HS6ST3: variants seen among roughly 807,000 people sequenced by gnomAD.
HS6ST3 encodes the protein heparan-sulfate 6-O-sulfotransferase 3.
In HS6ST3, 12 loss-of-function variants were observed where a neutral mutation model predicts 36.7. That is an observed-to-expected ratio of 0.33 (90% CI 0.21 to 0.53). The LOEUF is 0.53. HS6ST3 is among the 20% of genes least tolerant of loss of function. The probability of loss-of-function intolerance (pLI) is 0.95; values close to 1 mark genes in which losing one functional copy is unlikely to be tolerated. For missense variants in HS6ST3, 584 were observed against 640.9 expected (o/e 0.91, Z 0.96); for synonymous variants, 240 against 257.5 (o/e 0.93, Z 0.65).
intron 1 of HS6ST3, among the ~76,000 whole-genome samples, chr13:96,827,169 T>C (rs1288805365): frequency 6.6e-6 from 1 of 152,220 alleles, no homozygotes; most frequent in African/African-American, 2.4e-5. Flanking sequence ...TAAGATCTCC[T>C]TGAGGACATG....
intron 1 of HS6ST3, among the ~76,000 whole-genome samples, chr13:96,213,527 ATTTTTTTT>A (rs375188560): frequency 2.1e-5 from 3 of 145,264 alleles, no homozygotes; most frequent in African/African-American, 5.1e-5. Flanking sequence ...GTGTAGGACA[ATTTTTTTT>A]TTTTTTTTTT....
intron 1 of HS6ST3, among the ~76,000 whole-genome samples, chr13:96,706,999 T>G (rs1234935283): frequency 1.3e-5 from 2 of 152,188 alleles, no homozygotes; most frequent in African/African-American, 2.4e-5. Context: ...ATCAGACTAA[T>G]ACAACATGCA....
chr13:96,099,313 TCTC>T (rs1240856908), intron 1 of HS6ST3, among the ~76,000 whole-genome samples: 3 of 152,216 alleles, frequency 2.0e-5, no homozygotes, highest in South Asian at 4.2e-4. Flanking sequence ...ATTTGGAACT[TCTC>T]CTCCTGAATA....
At chr13:96,779,124 A>C (rs1256236624) in intron 1 of HS6ST3, among the ~76,000 whole-genome samples, 3 of 152,074 alleles carry the variant, frequency 2.0e-5, no homozygotes, top group Non-Finnish European at 4.4e-5. Flanking sequence ...AGTGATGAGA[A>C]CACATGGACA....
At chr13:96,782,161 A>G (rs116737377) in intron 1 of HS6ST3, among the ~76,000 whole-genome samples, 190 of 152,306 alleles carry the variant, frequency 1.2e-3, no homozygotes, top group African/African-American at 3.9e-3. Flanking sequence ...AGAGAACACA[A>G]TCAATTTACC....
intron 1 of HS6ST3, among the ~76,000 whole-genome samples, chr13:96,429,897 TG>T (rs1194650712): frequency 6.6e-6 from 1 of 152,240 alleles, no homozygotes; most frequent in African/African-American, 2.4e-5. Flanking sequence ...GGTTAGCCAC[TG>T]TGTGTTACTG....
At chr13:96,760,861 G>T (rs1421000453) in intron 1 of HS6ST3, among the ~76,000 whole-genome samples, 2 of 151,926 alleles carry the variant, frequency 1.3e-5, no homozygotes, top group Non-Finnish European at 2.9e-5. Flanking sequence ...TAAAATTAGC[G>T]AGTTTTTGTG....
At chr13:96,565,779 A>G (rs9584386) in intron 1 of HS6ST3, among the ~76,000 whole-genome samples, 26,038 of 151,984 alleles carry the variant, frequency 0.17, 3,024 homozygotes, top group African/African-American at 0.33. Flanking sequence ...CAGTCAACAA[A>G]CCCTGTCAAT....
Position 96,499,629 on chromosome 13 carries a change from G to A in HS6ST3, c.708-332861G>A, listed in dbSNP as rs1454552255. Reference sequence around the variant, plus strand: ...TGAGGCAAGATGTGATGGAGTGAGGGCAGGAACCCTGTGGCTTTCTGGGAT... The same window carrying A: ...TGAGGCAAGATGTGATGGAGTGAGGACAGGAACCCTGTGGCTTTCTGGGAT... On this transcript the variant is annotated intron_variant, in intron 1 of 1. Coordinates refer to ENST00000376705, the MANE Select transcript of HS6ST3 (RefSeq NM_153456.4). 4.6e-5 allele frequency among the ~76,000 whole-genome samples: 7 copies of A among 152,288 alleles called. No homozygotes were observed. The East Asian group carries it at 1.4e-3, about 29-fold the overall frequency.
intron 1 of HS6ST3, among the ~76,000 whole-genome samples, chr13:96,702,205 T>A (rs1033885516): frequency 6.6e-6 from 1 of 152,146 alleles, no homozygotes; most frequent in East Asian, 1.9e-4. Context: ...AAATCACAGA[T>A]GTAGGAGAGG....
intron 1 of HS6ST3, among the ~76,000 whole-genome samples, chr13:96,479,898 A>G (rs1242400818): frequency 6.6e-6 from 1 of 152,072 alleles, no homozygotes; most frequent in Non-Finnish European, 1.5e-5. Context: ...GTGAGAGACA[A>G]TGGCTGGGGA....
At chr13:96,217,060 C>T (rs528603593) in intron 1 of HS6ST3, among the ~76,000 whole-genome samples, 2 of 152,266 alleles carry the variant, frequency 1.3e-5, no homozygotes, top group Admixed American at 1.3e-4. Flanking sequence ...GGAACCTGCT[C>T]ATCTCCTTCT....
intron 1 of HS6ST3, among the ~76,000 whole-genome samples, chr13:96,689,606 CTTT>C (rs34000071): frequency 2.4e-4 from 24 of 101,216 alleles, no homozygotes; most frequent in South Asian, 1.1e-3. Context: ...TTCTTTCTTT[CTTT>C]TTTTTTTTTT....
chr13:96,508,584 T>C (rs1465556188), intron 1 of HS6ST3, among the ~76,000 whole-genome samples: 9 of 152,116 alleles, frequency 5.9e-5, no homozygotes, highest in Non-Finnish European at 1.2e-4. Context: ...TATGCCTTTG[T>C]GTACTCATAG....
chr13:96,516,022 G>T (rs2056070981), intron 1 of HS6ST3, among the ~76,000 whole-genome samples: 3 of 150,118 alleles, frequency 2.0e-5, no homozygotes, highest in Admixed American at 2.0e-4. Flanking sequence ...ACACTCTATT[G>T]TTTGTCTAGA....
chr13:96,200,491 T>A (rs1433589585), intron 1 of HS6ST3, among the ~76,000 whole-genome samples: 1 of 152,182 alleles, frequency 6.6e-6, no homozygotes, highest in Non-Finnish European at 1.5e-5. Context: ...ATTGCACTCT[T>A]ATAAAGCATA....
At position 96,497,244 on chromosome 13, in the gene HS6ST3, G is replaced by A. The variant is rs898300381; in HGVS notation, c.708-335246G>A. On this transcript the variant is annotated intron_variant, in intron 1 of 1. Coordinates refer to ENST00000376705, the MANE Select transcript of HS6ST3 (RefSeq NM_153456.4). ...CCATGGATCAATCTCAGGCCTCGCC[G>A]TCTAGTGGGTATAGGACTGCTAATG... 3.1e-4 allele frequency among the ~76,000 whole-genome samples: 47 copies of A among 152,234 alleles called. 1 individual carries two copies. The highest frequency in any genetic ancestry group is 3.4e-3 in the Middle Eastern group (1 of 294).
intron 1 of HS6ST3, among the ~76,000 whole-genome samples, chr13:96,646,831 C>T (rs901079831): frequency 7.9e-5 from 12 of 151,960 alleles, no homozygotes; most frequent in Admixed American, 2.6e-4. Flanking sequence ...ACTGGATTTT[C>T]GATCGGGGAA....
At chr13:96,395,163 G>A (rs943390323) in intron 1 of HS6ST3, among the ~76,000 whole-genome samples, 1 of 152,068 alleles carries the variant, frequency 6.6e-6, no homozygotes, top group Admixed American at 6.6e-5. Context: ...TTCCAGCACT[G>A]AGCTGAAAGA....
Sources: allele counts gnomAD v4.1 joint callset (sites outside exome capture counted in the v4.1 genomes callset), GRCh38; gene constraint gnomAD v4.1.1; transcripts MANE v1.5; gene names NCBI Gene and HGNC (gene_info 2026-07-23, HGNC 2026-07-21).